Variants in CHD1L observed in about 807,000 individuals in gnomAD.
CHD1L encodes the protein ATP-dependent chromatin remodeler CHD1L.
A neutral mutation model predicts 115.9 loss-of-function variants in CHD1L; 118 were observed. That is an observed-to-expected ratio of 1.02 (90% CI 0.88 to 1.19). CHD1L has a LOEUF of 1.19. Ranked by LOEUF, CHD1L falls within the 50% of genes most tolerant of loss-of-function variation. CHD1L has a pLI of 0.00. For missense variants in CHD1L, 1,179 were observed against 1,065.3 expected (o/e 1.11, Z -1.49); for synonymous variants, 411 against 387.1 (o/e 1.06, Z -0.72).
chr1:147,236,783 G>A, the CHD1L span, among the ~76,000 whole-genome samples: 2 of 152,180 alleles, frequency 1.3e-5, no homozygotes, highest in Non-Finnish European at 2.9e-5. Flanking sequence ...GTCTGGCTGA[G>A]TCTGGGGCTT....
At chr1:147,180,346 C>A in the CHD1L span, among the ~76,000 whole-genome samples, 1 of 151,916 alleles carries the variant, frequency 6.6e-6, no homozygotes, top group Non-Finnish European at 1.5e-5. Flanking sequence ...GGCTGGAGTT[C>A]ATTGGCGCGA....
chr1:147,250,515 C>T (rs1018098980), intron 1 of CHD1L, among the ~76,000 whole-genome samples: 1 of 152,018 alleles, frequency 6.6e-6, no homozygotes. Flanking sequence ...AGTTGTGGCT[C>T]CCTCCTGAGT....
the CHD1L span, among the ~76,000 whole-genome samples, chr1:147,217,368 G>T: frequency 1.0e-3 from 153 of 152,078 alleles, no homozygotes; most frequent in Non-Finnish European, 2.0e-3. Flanking sequence ...CACAAATGAG[G>T]AGTTTTCAAA....
the CHD1L span, among the ~76,000 whole-genome samples, chr1:147,195,353 G>A: frequency 7.2e-4 from 110 of 151,946 alleles, no homozygotes; most frequent in African/African-American, 2.5e-3. Flanking sequence ...GGCTGGTCTC[G>A]AACTCCTGAC....
upstream of CHD1L, among the ~76,000 whole-genome samples, chr1:147,240,015 C>T (rs1553930390): frequency 6.6e-6 from 1 of 152,124 alleles, no homozygotes; most frequent in Non-Finnish European, 1.5e-5. Context: ...TGAGAAAACA[C>T]CCAAGCAGGA....
At chr1:147,256,661 G>C (rs1311631553) in intron 5 of CHD1L, 99 bp downstream of exon 5, 2 of 1,185,296 alleles carry the variant, frequency 1.7e-6, no homozygotes, top group Non-Finnish European at 2.5e-6. Flanking sequence ...GGCATGTCTG[G>C]TATGTCTTCC....
At chr1:147,243,057 G>T in intron 1 of CHD1L, 1 of 406,364 alleles carries the variant, frequency 2.5e-6, no homozygotes, top group Non-Finnish European at 4.1e-6. Context: ...GAATGAGGTC[G>T]CGGGCCCGGT....
chr1:147,286,570 G>A, intron 18 of CHD1L, 70 bp downstream of exon 18: 1 of 1,438,620 alleles, frequency 7.0e-7, no homozygotes, highest in African/African-American at 1.4e-5. Context: ...GGGAGGATGG[G>A]GCACTGGGAC....
the CHD1L span, chr1:147,208,807 T>G: frequency 6.6e-7 from 1 of 1,520,880 alleles, no homozygotes; most frequent in Non-Finnish European, 9.1e-7. Flanking sequence ...GTCCTTATTC[T>G]TGTGCTTTGG....
At chr1:147,282,637 G>A (rs1254186534) in intron 15 of CHD1L, among the ~76,000 whole-genome samples, 1 of 152,156 alleles carries the variant, frequency 6.6e-6, no homozygotes, top group Non-Finnish European at 1.5e-5. Context: ...TCAAGTGAGA[G>A]AAGAAATAGA....
chr1:147,215,875 A>T, the CHD1L span: 1 of 1,613,640 alleles, frequency 6.2e-7, no homozygotes, highest in Non-Finnish European at 8.5e-7. Context: ...ACTGAAGCAC[A>T]TCATCTCTTT....
chr1:147,223,589 C>T, the CHD1L span: 1 of 155,976 alleles, frequency 6.4e-6, no homozygotes. Flanking sequence ...AAGAAGGCGG[C>T]CCCCGCCCCT....
intron 5 of CHD1L, among the ~76,000 whole-genome samples, chr1:147,257,575 G>A (rs1425822612): frequency 1.3e-5 from 2 of 152,242 alleles, no homozygotes; most frequent in East Asian, 3.9e-4. Context: ...AAACTCCAGT[G>A]GAGGGATGAG....
chr1:147,277,419 A>G (rs972608319), intron 14 of CHD1L, among the ~76,000 whole-genome samples: 1 of 152,220 alleles, frequency 6.6e-6, no homozygotes, highest in Non-Finnish European at 1.5e-5. Flanking sequence ...AGGCCAGTGC[A>G]TATCTTTACA....
the CHD1L span, among the ~76,000 whole-genome samples, chr1:147,231,879 C>T: frequency 9.2e-5 from 14 of 152,290 alleles, no homozygotes; most frequent in Non-Finnish European, 1.5e-4. Flanking sequence ...CTGTGCTTCC[C>T]GGGTGAGGCG....
the CHD1L span, among the ~76,000 whole-genome samples, chr1:147,218,646 A>G: frequency 1.3e-3 from 191 of 152,366 alleles, 2 homozygotes; most frequent in South Asian, 0.016. Context: ...TATGGAAAAC[A>G]AAATTCCTTA....
chr1:147,192,203 T>G, the CHD1L span, among the ~76,000 whole-genome samples: 23 of 152,164 alleles, frequency 1.5e-4, no homozygotes, highest in East Asian at 3.9e-4. Flanking sequence ...GTGGTTTGTA[T>G]TTCTCCTTGA....
chr1:147,271,584 A>G (rs587652166), intron 11 of CHD1L, among the ~76,000 whole-genome samples: 2 of 152,082 alleles, frequency 1.3e-5, no homozygotes, highest in South Asian at 4.1e-4. Context: ...AATTTAAAAA[A>G]GTAGTTCAGA....
the CHD1L span, chr1:147,175,955 T>TG: frequency 1.2e-5 from 1 of 82,286 alleles, no homozygotes; most frequent in Non-Finnish European, 2.2e-5. Context: ...GACTTGGGGG[T>TG]GGGGGGTGGG....
Sources: gnomAD v4.1 joint callset for allele counts (sites outside exome capture counted in the v4.1 genomes callset) on GRCh38, gnomAD v4.1.1 for gene constraint, MANE v1.5 for transcripts, NCBI Gene and HGNC (gene_info 2026-07-23, HGNC 2026-07-21) for gene names.